TANC2: variants seen among roughly 807,000 people sequenced by gnomAD.
The protein encoded by TANC2 is protein TANC2.
In TANC2, 26 loss-of-function variants were observed where a neutral mutation model predicts 210.5. The ratio of observed to expected loss-of-function variants is 0.12; its 90% CI spans 0.09 to 0.17. The LOEUF is 0.17. TANC2 is among the 10% of genes least tolerant of loss of function. The pLI, the probability that TANC2 is intolerant of heterozygous loss-of-function variation, is 1.00. For synonymous variants in TANC2, 931 were observed against 967.1 expected (o/e 0.96, Z 0.69); for missense variants, 2,129 against 2,608.9 (o/e 0.82, Z 4.01).
chr17:63,227,551 T>C (rs1286925380), intron 7 of TANC2, among the ~76,000 whole-genome samples: 1 of 152,192 alleles, frequency 6.6e-6, no homozygotes, highest in African/African-American at 2.4e-5. Context: ...TCCCATTCTA[T>C]AGGTTGTCAG....
chr17:63,238,853 A>C (rs981143692), intron 8 of TANC2, among the ~76,000 whole-genome samples: 4 of 152,196 alleles, frequency 2.6e-5, no homozygotes, highest in Admixed American at 2.6e-4. Flanking sequence ...GAGCAAGCAC[A>C]CAGGGGAACT....
chr17:63,333,287 G>C (rs572598039), intron 11 of TANC2, among the ~76,000 whole-genome samples: 4 of 152,256 alleles, frequency 2.6e-5, no homozygotes, highest in East Asian at 1.9e-4. Context: ...TGATTCATAG[G>C]AGGTCAATAT....
rs146396232 is a variant in TANC2, at chr17:63,322,679, C to T, written c.1575+3589C>T. ...ACAATTCCTGCTGTTATACAGTCCACATTCTCATGAGAGAAAGACAATAAA... is the reference window on the plus strand; with the variant it reads ...ACAATTCCTGCTGTTATACAGTCCATATTCTCATGAGAGAAAGACAATAAA... On this transcript the variant is annotated intron_variant, in intron 11 of 27. Transcript: ENST00000689528. 8.3e-3 allele frequency among the ~76,000 whole-genome samples: 1,269 copies of T among 152,326 alleles called. 17 individuals carry two copies. The highest frequency in any genetic ancestry group is 0.028 in the African/African-American group (1,171 of 41,564).
chr17:63,345,619 C>CAAAAAAAAAAAAAAAAAAA (rs752643075), intron 12 of TANC2, among the ~76,000 whole-genome samples: 1 of 86,634 alleles, frequency 1.2e-5, no homozygotes. Flanking sequence ...AATTCTGTCT[C>CAAAAAAAAAAAAAAAAAAA]AAAAAAAAAA....
intron 1 of TANC2, among the ~76,000 whole-genome samples, chr17:63,001,818 G>C (rs1269019987): frequency 2.0e-5 from 3 of 152,148 alleles, no homozygotes; most frequent in Non-Finnish European, 4.4e-5. Flanking sequence ...AAAGTGTTGA[G>C]ATTACAGGTA....
At chr17:63,378,484 A>C (rs551268278) in intron 14 of TANC2, among the ~76,000 whole-genome samples, 1 of 152,182 alleles carries the variant, frequency 6.6e-6, no homozygotes, top group Non-Finnish European at 1.5e-5. Flanking sequence ...TAGGGCAGCT[A>C]ATAGGGCTCA....
chr17:63,315,192 A>AG (rs992238557), intron 10 of TANC2, among the ~76,000 whole-genome samples: 1 of 152,222 alleles, frequency 6.6e-6, no homozygotes, highest in Non-Finnish European at 1.5e-5. Context: ...CATCACAACC[A>AG]GGGGGCAGCC....
At chr17:63,218,746 A>G (rs1366954831) in intron 7 of TANC2, among the ~76,000 whole-genome samples, 1 of 152,102 alleles carries the variant, frequency 6.6e-6, no homozygotes, top group Non-Finnish European at 1.5e-5. Context: ...AAATGCAAAA[A>G]TTAGCTGGGT....
chr17:63,154,323 C>G (rs2039763336), intron 5 of TANC2: 1 of 152,120 alleles, frequency 6.6e-6, no homozygotes, highest in African/African-American at 2.4e-5. Flanking sequence ...AAATATATTG[C>G]CCTCTAATCC....
At chr17:62,995,938 C>G (rs1336688998) in intron 1 of TANC2, among the ~76,000 whole-genome samples, 1 of 152,152 alleles carries the variant, frequency 6.6e-6, no homozygotes, top group Non-Finnish European at 1.5e-5. Flanking sequence ...TAAGAACTTC[C>G]AAAGTTATGT....
chr17:63,389,832 G>T, intron 17 of TANC2: 1 of 386,420 alleles, frequency 2.6e-6, no homozygotes, highest in East Asian at 5.8e-5. Flanking sequence ...GAGCTCAGAA[G>T]AAGCCTCTTT....
chr17:63,417,819 C>T (rs1473653846), intron 26 of TANC2, among the ~76,000 whole-genome samples: 1 of 152,148 alleles, frequency 6.6e-6, no homozygotes, highest in Non-Finnish European at 1.5e-5. Flanking sequence ...GTAGTCAGTG[C>T]AGTTTCCTTT....
At chr17:63,360,001 C>G (rs2046912101) in intron 14 of TANC2, among the ~76,000 whole-genome samples, 1 of 152,114 alleles carries the variant, frequency 6.6e-6, no homozygotes, top group South Asian at 2.1e-4. Flanking sequence ...CCTGATGCTC[C>G]AAAATCCATT....
intron 5 of TANC2, among the ~76,000 whole-genome samples, chr17:63,176,098 T>C (rs2040570996): frequency 6.6e-6 from 1 of 152,242 alleles, no homozygotes; most frequent in Non-Finnish European, 1.5e-5. Flanking sequence ...ATGCACAGCC[T>C]GGGAGAGTAT....
intron 4 of TANC2, among the ~76,000 whole-genome samples, chr17:63,112,629 T>C (rs923271612): frequency 6.6e-6 from 1 of 152,214 alleles, no homozygotes; most frequent in Non-Finnish European, 1.5e-5. Context: ...TTCTTTTTGA[T>C]CTTCTGTTTC....
intron 2 of TANC2, among the ~76,000 whole-genome samples, chr17:63,047,479 C>T (rs555958181): frequency 3.3e-5 from 5 of 152,092 alleles, no homozygotes; most frequent in African/African-American, 1.2e-4. Context: ...GAGAGAAAAT[C>T]AGTAATATTT....
chr17:63,216,336 A>G (rs1218123775), intron 7 of TANC2, among the ~76,000 whole-genome samples: 1 of 152,206 alleles, frequency 6.6e-6, no homozygotes, highest in Non-Finnish European at 1.5e-5. Flanking sequence ...GGCCTGAGCC[A>G]CCATGCCCGG....
At chr17:63,066,728 T>C (rs2036212570) in intron 2 of TANC2, among the ~76,000 whole-genome samples, 1 of 152,034 alleles carries the variant, frequency 6.6e-6, no homozygotes, top group Non-Finnish European at 1.5e-5. Context: ...GGCCATTCTT[T>C]AGATTATTAA....
At chr17:63,180,976 A>T (rs1217607951) in intron 5 of TANC2, among the ~76,000 whole-genome samples, 1 of 140,418 alleles carries the variant, frequency 7.1e-6, no homozygotes, top group Non-Finnish European at 1.5e-5. Context: ...GTGAGTCAAG[A>T]TTGCACCACT....
Sources: gnomAD v4.1 joint callset for allele counts (sites outside exome capture counted in the v4.1 genomes callset) on GRCh38, gnomAD v4.1.1 for gene constraint, MANE v1.5 for transcripts, NCBI Gene and HGNC (gene_info 2026-07-23, HGNC 2026-07-21) for gene names.